Variants in CCSER1 observed in about 807,000 individuals in gnomAD.
CCSER1 encodes the protein serine-rich coiled-coil domain-containing protein 1.
A neutral mutation model predicts 82.0 loss-of-function variants in CCSER1; 41 were observed. The ratio of observed to expected loss-of-function variants is 0.50; its 90% CI spans 0.39 to 0.65. CCSER1 has a LOEUF of 0.65. Among genes scored for constraint, CCSER1 ranks in the 30% least tolerant of loss-of-function variants. CCSER1 has a pLI of 0.00. For synonymous variants in CCSER1, 414 were observed against 383.9 expected (o/e 1.08, Z -0.92); for missense variants, 1,119 against 1,064.2 (o/e 1.05, Z -0.72).
intron 6 of CCSER1, among the ~76,000 whole-genome samples, chr4:90,715,649 T>G (rs1280308999): frequency 6.6e-6 from 1 of 151,936 alleles, no homozygotes; most frequent in East Asian, 1.9e-4. Flanking sequence ...TTCAGGAGGG[T>G]GAACCAGAGC....
intron 1 of CCSER1, among the ~76,000 whole-genome samples, chr4:90,158,500 G>A (rs1293320575): frequency 6.6e-6 from 1 of 152,208 alleles, no homozygotes; most frequent in Non-Finnish European, 1.5e-5. Flanking sequence ...ACAGAGGCAG[G>A]CAGGCCTCCT....
intron 3 of CCSER1, among the ~76,000 whole-genome samples, chr4:90,341,435 T>G (rs1367723591): frequency 6.6e-6 from 1 of 152,122 alleles, no homozygotes; most frequent in African/African-American, 2.4e-5. Flanking sequence ...CTCGAGTTCA[T>G]AAATCCACAA....
intron 10 of CCSER1, among the ~76,000 whole-genome samples, chr4:91,235,110 A>T (rs1474602412): frequency 2.0e-5 from 3 of 152,080 alleles, no homozygotes; most frequent in African/African-American, 7.2e-5. Context: ...ACTTAGAACA[A>T]TATATAGTAC....
At chr4:90,152,950 A>G (rs1312867777) in intron 1 of CCSER1, among the ~76,000 whole-genome samples, 4 of 150,716 alleles carry the variant, frequency 2.7e-5, no homozygotes, top group Admixed American at 6.6e-5. Context: ...TTAGTTACAT[A>G]TGTATACATG....
intron 7 of CCSER1, among the ~76,000 whole-genome samples, chr4:90,750,936 CTTAA>C (rs1474357716): frequency 6.6e-6 from 1 of 152,082 alleles, no homozygotes; most frequent in Non-Finnish European, 1.5e-5. Context: ...TGAAATATAT[CTTAA>C]TTAAACCCTG....
chr4:90,849,810 AAG>A (rs986858397), intron 8 of CCSER1, among the ~76,000 whole-genome samples: 27 of 149,046 alleles, frequency 1.8e-4, no homozygotes, highest in African/African-American at 4.9e-4. Context: ...AAAAAAAAAA[AAG>A]AAAACCCATT....
chr4:91,440,722 G>A (rs1392784828), intron 10 of CCSER1, among the ~76,000 whole-genome samples: 1 of 151,978 alleles, frequency 6.6e-6, no homozygotes, highest in Non-Finnish European at 1.5e-5. Flanking sequence ...TAGACCACTA[G>A]CAAGACTAAT....
At chr4:90,745,890 C>T (rs949201301) in intron 7 of CCSER1, among the ~76,000 whole-genome samples, 1 of 151,500 alleles carries the variant, frequency 6.6e-6, no homozygotes, top group African/African-American at 2.4e-5. Context: ...TTAGTAGAGA[C>T]GGGGTTTCAC....
Position 91,188,762 on chromosome 4 carries a change from T to A in CCSER1, c.2217+102768T>A, listed in dbSNP as rs529249813. 1.2e-4 allele frequency among the ~76,000 whole-genome samples: 19 copies of A among 152,274 alleles called. 1 individual carries two copies. The South Asian group carries it at 3.9e-3, about 32-fold the overall frequency. On this transcript the variant is annotated intron_variant, in intron 10 of 10. Transcript: ENST00000509176. Reference sequence around the variant, plus strand: ...CTTGTATGCTTGATACTTTTGTGATTCAAGCATTATACTCATACTGAGAAA... The same window carrying A: ...CTTGTATGCTTGATACTTTTGTGATACAAGCATTATACTCATACTGAGAAA...
At chr4:90,813,981 C>T (rs1047795785) in intron 7 of CCSER1, among the ~76,000 whole-genome samples, 9 of 152,198 alleles carry the variant, frequency 5.9e-5, no homozygotes, top group African/African-American at 1.9e-4. Flanking sequence ...TCCTTAAGGG[C>T]TCTACCCCTG....
At chr4:90,821,582 A>T (rs1285560457) in intron 8 of CCSER1, among the ~76,000 whole-genome samples, 1 of 152,212 alleles carries the variant, frequency 6.6e-6, no homozygotes, top group Non-Finnish European at 1.5e-5. Flanking sequence ...AATTTAATTT[A>T]TTAAGATATT....
At position 91,599,030 on chromosome 4, in the gene CCSER1, G is replaced by T; in HGVS notation, c.2676G>T (p.Leu892=). Residue 892 remains leucine (L), a synonymous_variant, in exon 11 of 11, where the codon CTG becomes CTT. Transcript: ENST00000509176. The stretch of plus-strand genomic sequence containing the variant: ...ACCACAATTTACACAGCACTGAGCT[G>T]CAAACTCTAGGCCAGCAGGATGGGT... The part of the protein sequence containing the change: ...FLHHNLHSTE[L]QTLGQQDG 1.3e-6 allele frequency: 2 copies of T among 1,545,864 alleles called. No homozygotes were observed. Among genetic ancestry groups the T allele is most frequent in the Non-Finnish European group, 1.8e-6 (2 of 1,142,808 alleles).
intron 5 of CCSER1, among the ~76,000 whole-genome samples, chr4:90,621,760 G>GAATTTAC (rs1156412376): frequency 6.6e-6 from 1 of 152,122 alleles, no homozygotes; most frequent in Admixed American, 6.5e-5. Flanking sequence ...ATTCCAGCAG[G>GAATTTAC]TAGTTAATTT....
At chr4:90,712,245 C>G (rs1740751650) in intron 6 of CCSER1, among the ~76,000 whole-genome samples, 1 of 151,740 alleles carries the variant, frequency 6.6e-6, no homozygotes, top group Non-Finnish European at 1.5e-5. Context: ...AGGTTTTTAA[C>G]TTGAGATATT....
chr4:91,068,155 A>G (rs950291120), intron 9 of CCSER1, among the ~76,000 whole-genome samples: 1 of 152,242 alleles, frequency 6.6e-6, no homozygotes, highest in Non-Finnish European at 1.5e-5. Context: ...TCAATTAGTT[A>G]TAACATTCTC....
chr4:91,262,110 A>G (rs946178926), intron 10 of CCSER1, among the ~76,000 whole-genome samples: 1 of 152,156 alleles, frequency 6.6e-6, no homozygotes, highest in African/African-American at 2.4e-5. Flanking sequence ...TATAAGTTAT[A>G]AAAAAGTAGA....
intron 1 of CCSER1, among the ~76,000 whole-genome samples, chr4:90,248,271 TAA>T (rs1721797325): frequency 6.6e-6 from 1 of 152,208 alleles, no homozygotes; most frequent in African/African-American, 2.4e-5. Context: ...AGGTCCTTAA[TAA>T]ATATGTATTG....
chr4:91,176,316 TG>T (rs1733353479), intron 10 of CCSER1, among the ~76,000 whole-genome samples: 1 of 152,252 alleles, frequency 6.6e-6, no homozygotes. Flanking sequence ...GTCTCTTTTT[TG>T]GTTCCATATG....
chr4:91,530,378 A>G (rs1051415316), intron 10 of CCSER1, among the ~76,000 whole-genome samples: 77 of 152,222 alleles, frequency 5.1e-4, no homozygotes, highest in African/African-American at 1.7e-3. Context: ...TAACTAATGC[A>G]TGATTTAAGA....
Sources: allele counts gnomAD v4.1 joint callset (sites outside exome capture counted in the v4.1 genomes callset), GRCh38; gene constraint gnomAD v4.1.1; transcripts MANE v1.5; gene names NCBI Gene and HGNC (gene_info 2026-07-23, HGNC 2026-07-21).